CMIP: variants seen among roughly 807,000 people sequenced by gnomAD.
The protein encoded by CMIP is c-Maf inducing protein, also known as C-Maf-inducing protein.
A neutral mutation model predicts 97.3 loss-of-function variants in CMIP; 13 were observed. The observed-to-expected ratio is 0.13, with a 90% CI of 0.09 to 0.21. The LOEUF (loss-of-function observed/expected upper bound fraction) is 0.21, where lower values mean the gene tolerates loss of function less well. Ranked by LOEUF, CMIP falls within the 10% of genes least tolerant of loss-of-function variation. The pLI is 1.00. For missense variants in CMIP, 847 were observed against 1,024.9 expected (o/e 0.83, Z 2.37); for synonymous variants, 538 against 436.3 (o/e 1.23, Z -2.91).
At chr16:81,703,732 T>C (rs1212964080) in intron 17 of CMIP, 2 of 611,458 alleles carry the variant, frequency 3.3e-6, no homozygotes, top group Non-Finnish European at 5.6e-6. Context: ...CTGTCGTCCA[T>C]GGGATGCGTG....
intron 1 of CMIP, among the ~76,000 whole-genome samples, chr16:81,542,167 C>T (rs560441949): frequency 2.6e-5 from 4 of 152,172 alleles, no homozygotes; most frequent in Non-Finnish European, 5.9e-5. Context: ...GGCAGACTTG[C>T]TGGGTGTGGC....
At chr16:81,465,395 G>C (rs1421341304) in intron 1 of CMIP, among the ~76,000 whole-genome samples, 1 of 152,188 alleles carries the variant, frequency 6.6e-6, no homozygotes, top group African/African-American at 2.4e-5. Flanking sequence ...CTACCACCAG[G>C]TTGCGTCCTT....
At position 81,664,288 on chromosome 16, in the gene CMIP, G is replaced by A. The variant is rs1477085735; in HGVS notation, c.764G>A (p.Arg255Gln). The change falls in exon 7 of 21, where the codon CGG (arginine) becomes CAG (glutamine). Residue 255 changes from arginine to glutamine, a missense_variant. Physicochemically the swap from Arg to Gln is conservative, Grantham distance 43. Coordinates refer to ENST00000537098, the MANE Select transcript of CMIP (RefSeq NM_198390.3). Reference sequence around the variant, plus strand: ...CCCCAGCACTGCAGAGAGCGGCCCCGGTCCATGGTGGTCATCGAGGTGTTC... The same window carrying A: ...CCCCAGCACTGCAGAGAGCGGCCCCAGTCCATGGTGGTCATCGAGGTGTTC... Reference protein sequence around the residue: ...FFCKHCRERPRSMVVIEVFTP... With the variant: ...FFCKHCRERPQSMVVIEVFTP... The A allele has an allele frequency of 6.9e-6, 11 of 1,602,118 alleles. No homozygotes were observed. The highest frequency in any genetic ancestry group is 1.3e-5 in the African/African-American group (1 of 74,636).
intron 1 of CMIP, among the ~76,000 whole-genome samples, chr16:81,465,951 A>C (rs1371314432): frequency 6.6e-6 from 1 of 152,260 alleles, no homozygotes; most frequent in East Asian, 1.9e-4. Flanking sequence ...CCTTGCAGAG[A>C]AGAAGCTGGT....
chr16:81,631,092 A>C (rs1253947603), intron 3 of CMIP: 1 of 152,330 alleles, frequency 6.6e-6, no homozygotes, highest in Non-Finnish European at 1.5e-5. Context: ...ATTGAAACTA[A>C]CAAGTGGCAG....
At chr16:81,490,498 G>T (rs1312625878) in intron 1 of CMIP, among the ~76,000 whole-genome samples, 1 of 152,106 alleles carries the variant, frequency 6.6e-6, no homozygotes, top group Non-Finnish European at 1.5e-5. Flanking sequence ...TGTGTGCCTG[G>T]AATCCCAGCT....
intron 1 of CMIP, among the ~76,000 whole-genome samples, chr16:81,472,942 T>G (rs1907647640): frequency 6.6e-6 from 1 of 152,192 alleles, no homozygotes; most frequent in African/African-American, 2.4e-5. Context: ...TGTGAGGGGC[T>G]GGTCTGTTTA....
At chr16:81,554,043 C>T (rs1045811554) in intron 1 of CMIP, among the ~76,000 whole-genome samples, 5 of 152,168 alleles carry the variant, frequency 3.3e-5, no homozygotes, top group African/African-American at 1.2e-4. Context: ...CTGTGGTGGG[C>T]GGGACTTGGC....
chr16:81,665,400 G>A (rs1004252948), intron 7 of CMIP: 1 of 152,134 alleles, frequency 6.6e-6, no homozygotes, highest in Non-Finnish European at 1.5e-5. Flanking sequence ...AGAGTGTGGT[G>A]CTCTTTGAGT....
At chr16:81,574,853 G>C (rs750334307) in intron 1 of CMIP, among the ~76,000 whole-genome samples, 17 of 152,170 alleles carry the variant, frequency 1.1e-4, no homozygotes, top group Admixed American at 1.0e-3. Flanking sequence ...GCAAGATCAC[G>C]TGGGCAAGGA....
intron 10 of CMIP, among the ~76,000 whole-genome samples, chr16:81,686,502 TA>T (rs1905406413): frequency 6.6e-6 from 1 of 152,204 alleles, no homozygotes; most frequent in South Asian, 2.1e-4. Context: ...TGCCCTCACA[TA>T]CCGCTCTGGA....
At chr16:81,472,368 G>C (rs896333192) in intron 1 of CMIP, among the ~76,000 whole-genome samples, 4 of 152,210 alleles carry the variant, frequency 2.6e-5, no homozygotes, top group African/African-American at 9.7e-5. Context: ...AAGATGAGCT[G>C]TTCGTATTTC....
chr16:81,551,087 A>G (rs2090647315), intron 1 of CMIP, among the ~76,000 whole-genome samples: 1 of 143,336 alleles, frequency 7.0e-6, no homozygotes, highest in African/African-American at 2.7e-5. Context: ...GTCCCGTCAC[A>G]CGCACCCCAG....
chr16:81,523,210 G>A (rs774752309), intron 1 of CMIP, among the ~76,000 whole-genome samples: 3 of 152,294 alleles, frequency 2.0e-5, no homozygotes, highest in Admixed American at 1.3e-4. Flanking sequence ...GTGAGCTACC[G>A]CGCTTTGCTT....
At chr16:81,667,228 G>T (rs944981319) in intron 7 of CMIP, 1 of 152,222 alleles carries the variant, frequency 6.6e-6, no homozygotes, top group African/African-American at 2.4e-5. Flanking sequence ...AGCTTTGAGA[G>T]TCTCAAAGAA....
At position 81,592,403 on chromosome 16, in the gene CMIP, C is replaced by T. The variant is rs540247233; in HGVS notation, c.301-15164C>T. ...TTTCCTTGGCGGAGAATGCCTGGCG[C>T]TCCCCTCCTTACCTTGACAGCCGGC... On this transcript the variant is annotated intron_variant, in intron 1 of 20. Transcript: ENST00000537098. 1.0e-3 allele frequency among the ~76,000 whole-genome samples: 159 copies of T among 152,300 alleles called. 1 individual carries two copies. Among genetic ancestry groups the T allele is most frequent in the African/African-American group, 3.1e-3 (127 of 41,572 alleles).
At chr16:81,507,310 C>T (rs2089727784) in intron 1 of CMIP, among the ~76,000 whole-genome samples, 1 of 152,134 alleles carries the variant, frequency 6.6e-6, no homozygotes, top group Non-Finnish European at 1.5e-5. Context: ...CTTGGGTACC[C>T]TCCCTCTGCA....
chr16:81,628,478 C>G (rs145232382), intron 3 of CMIP, among the ~76,000 whole-genome samples: 147 of 152,330 alleles, frequency 9.7e-4, no homozygotes, highest in African/African-American at 3.5e-3. Context: ...ATCCTTACAG[C>G]CCTGAGGAGG....
chr16:81,693,377 T>C lies in CMIP; in HGVS notation c.1482-62T>C, dbSNP rs754749936. 3 of 1,579,144 alleles carry C rather than the reference T, an allele frequency of 1.9e-6. No individual in the cohort carries two copies. In the South Asian group the frequency reaches 3.4e-5, roughly 18 times the overall value. ...CTTCCTTGACACCATCCCCTCCCCTTCCCACACCTCCCACTCAGTTCCAGA... is the reference window on the plus strand; with the variant it reads ...CTTCCTTGACACCATCCCCTCCCCTCCCCACACCTCCCACTCAGTTCCAGA... On this transcript the variant is annotated intron_variant, in intron 12 of 20. Coordinates refer to ENST00000537098, the MANE Select transcript of CMIP (RefSeq NM_198390.3).
Sources: allele counts gnomAD v4.1 joint callset (sites outside exome capture counted in the v4.1 genomes callset), GRCh38; gene constraint gnomAD v4.1.1; transcripts MANE v1.5; gene names NCBI Gene and HGNC (gene_info 2026-07-23, HGNC 2026-07-21).